RELN: variants seen among roughly 807,000 people sequenced by gnomAD.
The protein encoded by RELN is reelin.
A neutral mutation model predicts 427.6 loss-of-function variants in RELN; 108 were observed. The ratio of observed to expected loss-of-function variants is 0.25; its 90% confidence interval spans 0.22 to 0.30. RELN has a LOEUF of 0.30. Ranked by LOEUF, RELN falls within the 10% of genes least tolerant of loss-of-function variation. RELN has a pLI of 1.00. For missense variants in RELN, 3,715 were observed against 4,302.8 expected (o/e 0.86, Z 3.82); for synonymous variants, 1,524 against 1,513.4 (o/e 1.01, Z -0.16).
intron 46 of RELN, among the ~76,000 whole-genome samples, chr7:103,533,647 G>A (rs928904666): frequency 4.6e-5 from 7 of 152,250 alleles, no homozygotes; most frequent in South Asian, 2.1e-4. Context: ...TACAGAACAG[G>A]GGGAAATGGA....
intron 11 of RELN, among the ~76,000 whole-genome samples, chr7:103,677,194 T>C (rs1035411370): frequency 6.8e-6 from 1 of 147,488 alleles, no homozygotes; most frequent in Non-Finnish European, 1.5e-5. Context: ...TTCTCACTTA[T>C]AAGTGGGAGT....
At chr7:103,661,229 A>G (rs1225331314) in intron 12 of RELN, 147 bp downstream of exon 12, 1 of 870,564 alleles carries the variant, frequency 1.1e-6, no homozygotes, top group Admixed American at 2.0e-5. Context: ...ACGGGGGAGT[A>G]CCACAGGCTT....
intron 57 of RELN, among the ~76,000 whole-genome samples, chr7:103,494,386 TGTGTGTGG>T (rs1007899631): frequency 6.6e-6 from 1 of 151,580 alleles, no homozygotes; most frequent in Non-Finnish European, 1.5e-5. Context: ...TGTGTGTGTG[TGTGTGTGG>T]GATATGGTCT....
At chr7:103,491,823 GTCTCTCTCTCTCTCTCTCTC>G in intron 58 of RELN, 110 bp downstream of exon 58, 4 of 427,600 alleles carry the variant, frequency 9.4e-6, no homozygotes, top group South Asian at 4.2e-5. Flanking sequence ...GAGCGAAACT[GTCTCTCTCTCTCTCTCTCTC>G]TCTCTCTCTC....
intron 2 of RELN, among the ~76,000 whole-genome samples, chr7:103,878,819 A>C (rs1164385607): frequency 6.6e-6 from 1 of 152,214 alleles, no homozygotes; most frequent in East Asian, 1.9e-4. Context: ...TTCCAACAGA[A>C]TATATGCTTC....
At chr7:103,584,616 GT>G (rs1262418519) in intron 28 of RELN, among the ~76,000 whole-genome samples, 1 of 152,052 alleles carries the variant, frequency 6.6e-6, no homozygotes, top group African/African-American at 2.4e-5. Flanking sequence ...AATAATATCG[GT>G]AGCTTTAACA....
chr7:103,678,978 T>C (rs1022767512), intron 11 of RELN, among the ~76,000 whole-genome samples: 1 of 152,216 alleles, frequency 6.6e-6, no homozygotes, highest in Non-Finnish European at 1.5e-5. Context: ...AGAATTTTAC[T>C]ACCAAATTTT....
At chr7:103,888,811 T>A (rs78228575) in intron 2 of RELN, among the ~76,000 whole-genome samples, 4,091 of 152,216 alleles carry the variant, frequency 0.027, 173 homozygotes, top group African/African-American at 0.094. Context: ...GTCAGGAGGC[T>A]TAAAGCACAA....
chr7:103,488,149 CAA>C (rs11324464), intron 60 of RELN, among the ~76,000 whole-genome samples: 10 of 142,752 alleles, frequency 7.0e-5, no homozygotes, highest in East Asian at 4.1e-4. Flanking sequence ...AACTCCGTCT[CAA>C]AAAAAAAAAA....
chr7:103,488,399 G>T (rs964676235), intron 60 of RELN, among the ~76,000 whole-genome samples: 11 of 152,248 alleles, frequency 7.2e-5, no homozygotes, highest in African/African-American at 2.6e-4. Flanking sequence ...TGAGACATTT[G>T]ATTCACTCAT....
intron 17 of RELN, among the ~76,000 whole-genome samples, chr7:103,638,082 A>AC (rs1464594347): frequency 2.6e-5 from 4 of 152,082 alleles, no homozygotes; most frequent in Non-Finnish European, 2.9e-5. Context: ...TTTAAAAAAA[A>AC]CAAAAAACTT....
At chr7:103,701,738 G>A (rs1171555056) in intron 8 of RELN, among the ~76,000 whole-genome samples, 1 of 152,034 alleles carries the variant, frequency 6.6e-6, no homozygotes, top group Non-Finnish European at 1.5e-5. Flanking sequence ...CTCTCAGAAT[G>A]CCCAAAACAG....
chr7:103,819,995 A>G (rs1792974498), intron 3 of RELN, among the ~76,000 whole-genome samples: 1 of 152,018 alleles, frequency 6.6e-6, no homozygotes, highest in African/African-American at 2.4e-5. Flanking sequence ...TTCTGGTGAT[A>G]TATGGATAAT....
chr7:103,900,821 C>T (rs1795067511), intron 2 of RELN, among the ~76,000 whole-genome samples: 1 of 152,022 alleles, frequency 6.6e-6, no homozygotes, highest in African/African-American at 2.4e-5. Flanking sequence ...CCCTTCCTCA[C>T]ACCTTATATA....
intron 2 of RELN, among the ~76,000 whole-genome samples, chr7:103,904,473 C>G (rs931776846): frequency 6.6e-6 from 1 of 152,168 alleles, no homozygotes; most frequent in Non-Finnish European, 1.5e-5. Context: ...TTCCCACCAA[C>G]AGTGTAAAAG....
chr7:103,524,229 A>C (rs1175403379), intron 46 of RELN, among the ~76,000 whole-genome samples: 1 of 152,146 alleles, frequency 6.6e-6, no homozygotes, highest in Non-Finnish European at 1.5e-5. Flanking sequence ...AGAAAAGATG[A>C]CTATCTCCGA....
rs554640791 is a variant in RELN, at chr7:103,898,132, A to T, written c.337+18943T>A. Among the ~76,000 whole-genome samples the T allele has an allele frequency of 5.8e-4, 89 of 152,200 alleles. No individual in the cohort carries two copies. In the South Asian group the frequency reaches 0.018, roughly 30 times the overall value. ...TGTAGTTTTCTACAGCTTCTTAAGT[A>T]GGTGAGTGTGGATATGGGTGTGTAG... On this transcript the variant is annotated intron_variant, in intron 2 of 64. Transcript: ENST00000428762.
intron 46 of RELN, among the ~76,000 whole-genome samples, chr7:103,534,209 C>T (rs2117115996): frequency 6.6e-6 from 1 of 152,348 alleles, no homozygotes; most frequent in East Asian, 1.9e-4. Flanking sequence ...TAAGCCCAAA[C>T]TATAACTCCT....
At chr7:103,838,489 A>G (rs916372857) in intron 2 of RELN, among the ~76,000 whole-genome samples, 1 of 152,164 alleles carries the variant, frequency 6.6e-6, no homozygotes, top group Admixed American at 6.5e-5. Context: ...TGAGACAAAA[A>G]TCATCAAGCC....
Sources: allele counts gnomAD v4.1 joint callset (sites outside exome capture counted in the v4.1 genomes callset), GRCh38; gene constraint gnomAD v4.1.1; transcripts MANE v1.5; gene names NCBI Gene and HGNC (gene_info 2026-07-23, HGNC 2026-07-21).